The following ZDHHC20 variants were observed in gnomAD, a reference collection of about 807,000 sequenced individuals.
ZDHHC20 encodes the protein palmitoyltransferase ZDHHC20.
ZDHHC20 carries 43 observed loss-of-function variants against 57.8 expected under a neutral mutation model. The observed-to-expected ratio is 0.74, with a 90% CI of 0.58 to 0.96. The LOEUF is 0.96. Ranked by LOEUF, ZDHHC20 falls within the 40% of genes least tolerant of loss-of-function variation. The pLI is 0.00. For synonymous variants in ZDHHC20, 157 were observed against 153.0 expected, an observed-to-expected ratio of 1.03 and a Z score of -0.19; for missense variants, 391 against 441.1, an observed-to-expected ratio of 0.89 and a Z score of 1.02.
At chr13:21,388,825 T>G (rs1875089329) in intron 8 of ZDHHC20, among the ~76,000 whole-genome samples, 1 of 152,002 alleles carries the variant, frequency 6.6e-6, no homozygotes, top group African/African-American at 2.4e-5. Flanking sequence ...ACCAGAGCCA[T>G]GAATTAGCAA....
intron 4 of ZDHHC20, among the ~76,000 whole-genome samples, chr13:21,411,690 A>G (rs1166176351): frequency 6.6e-6 from 1 of 152,236 alleles, no homozygotes; most frequent in Non-Finnish European, 1.5e-5. Context: ...AATGAACTCA[A>G]AAAGTAGCAA....
At chr13:21,434,409 T>C (rs1882333742) in intron 1 of ZDHHC20, among the ~76,000 whole-genome samples, 2 of 152,248 alleles carry the variant, frequency 1.3e-5, no homozygotes, top group African/African-American at 2.4e-5. Context: ...CATTCTCTAG[T>C]AGTTGTGCTG....
intron 4 of ZDHHC20, among the ~76,000 whole-genome samples, chr13:21,407,282 C>A (rs1406820700): frequency 1.3e-5 from 2 of 152,278 alleles, no homozygotes; most frequent in East Asian, 3.9e-4. Context: ...GTGTGAGCCA[C>A]CACACCCAGT....
At chr13:21,425,928 G>GT (rs2137928127) in intron 1 of ZDHHC20, among the ~76,000 whole-genome samples, 1 of 152,234 alleles carries the variant, frequency 6.6e-6, no homozygotes, top group Non-Finnish European at 1.5e-5. Context: ...AATTTTAAGT[G>GT]TATCAACATG....
At chr13:21,406,232 CT>C (rs1878419282) in intron 4 of ZDHHC20, among the ~76,000 whole-genome samples, 1 of 152,132 alleles carries the variant, frequency 6.6e-6, no homozygotes, top group African/African-American at 2.4e-5. Context: ...TCCCTTCTGA[CT>C]TTTGGGCCCT....
chr13:21,393,182 CTTTTTTCTTTTT>C (rs1223264005), intron 7 of ZDHHC20, among the ~76,000 whole-genome samples: 17 of 135,536 alleles, frequency 1.3e-4, no homozygotes, highest in Admixed American at 1.1e-3. Flanking sequence ...CATTTCTTTT[CTTTTTTCTTTTT>C]TTTTTTTTTT....
At chr13:21,409,426 T>C (rs1166814738) in intron 4 of ZDHHC20, among the ~76,000 whole-genome samples, 1 of 152,236 alleles carries the variant, frequency 6.6e-6, no homozygotes, top group Non-Finnish European at 1.5e-5. Flanking sequence ...CTGATGGTAG[T>C]TTGTATTTCT....
At chr13:21,459,005 C>T (rs1449992354) in intron 1 of ZDHHC20, 49 bp downstream of exon 1, 4 of 1,481,624 alleles carry the variant, frequency 2.7e-6, no homozygotes, top group Non-Finnish European at 3.7e-6. Context: ...CTATCTCGCG[C>T]CCTAGCCGCG....
At chr13:21,447,598 G>A (rs1593281399) in intron 1 of ZDHHC20, among the ~76,000 whole-genome samples, 1 of 145,126 alleles carries the variant, frequency 6.9e-6, no homozygotes, top group Non-Finnish European at 1.5e-5. Flanking sequence ...ATGGTGCCCA[G>A]GCTGGAGTGC....
intron 1 of ZDHHC20, among the ~76,000 whole-genome samples, chr13:21,442,246 T>C (rs1883252473): frequency 6.6e-6 from 1 of 152,348 alleles, no homozygotes; most frequent in Non-Finnish European, 1.5e-5. Context: ...TCCAATCCTT[T>C]TACCTTTCCC....
rs1459869119 is a variant in ZDHHC20 at position 21,458,940 on chromosome 13, ACGCCCGGCGT to A, written c.118+104_118+113del. ...CGCTTCCGAGCGCGTTCGGGGCCGGACGCCCGGCGTCCGGCGCTGGCTCCAGAAAGGCGGC... is the reference window on the plus strand; with the variant it reads ...CGCTTCCGAGCGCGTTCGGGGCCGGACCGGCGCTGGCTCCAGAAAGGCGGC... On this transcript the variant is annotated intron_variant, in intron 1 of 12. Coordinates refer to ENST00000400590, the MANE Select transcript of ZDHHC20 (RefSeq NM_001330059.2). 2.3e-5 allele frequency: 17 copies of A among 731,988 alleles called. No individual in the cohort carries two copies. In the African/African-American group the frequency reaches 2.8e-4, roughly 12 times the overall value. The allele number at this position is 731,988 out of a possible 1,614,324, so 45.3% of individuals were successfully genotyped here.
At position 21,378,989 on chromosome 13, in the gene ZDHHC20, T is replaced by C. The variant is rs115662199; in HGVS notation, c.1061-251A>G. ...CTTTAAAGATGTTAAACAGCAATAA[T>C]TAAGAAGTTCACAAAATGAACTTTT... On this transcript the variant is annotated intron_variant, in intron 11 of 12. Coordinates refer to ENST00000400590, the MANE Select transcript of ZDHHC20 (RefSeq NM_001330059.2). 6.7e-3 allele frequency among the ~76,000 whole-genome samples: 1,016 copies of C among 152,330 alleles called. 15 individuals carry two copies. The highest frequency in any genetic ancestry group is 0.023 in the African/African-American group (942 of 41,576).
intron 1 of ZDHHC20, among the ~76,000 whole-genome samples, chr13:21,431,453 C>A (rs1881930912): frequency 6.9e-6 from 1 of 145,144 alleles, no homozygotes; most frequent in Non-Finnish European, 1.5e-5. Context: ...TGGATGGGGA[C>A]ACAGCCAAAC....
chr13:21,382,733 T>C (rs528230447), intron 10 of ZDHHC20, among the ~76,000 whole-genome samples, 187 bp downstream of exon 10: 1 of 152,324 alleles, frequency 6.6e-6, no homozygotes, highest in South Asian at 2.1e-4. Flanking sequence ...GTTTAGATAA[T>C]AAAAAATTAT....
intron 2 of ZDHHC20, among the ~76,000 whole-genome samples, chr13:21,422,326 T>C (rs1880737620): frequency 6.6e-6 from 1 of 152,128 alleles, no homozygotes; most frequent in African/African-American, 2.4e-5. Flanking sequence ...AGCTAACATG[T>C]ATTCAGTTTG....
At chr13:21,446,653 C>T (rs1239193319) in intron 1 of ZDHHC20, among the ~76,000 whole-genome samples, 1 of 152,096 alleles carries the variant, frequency 6.6e-6, no homozygotes, top group Non-Finnish European at 1.5e-5. Context: ...CACCTTTATT[C>T]TTTATTATAT....
intron 11 of ZDHHC20, 140 bp from the exon 12 acceptor site, chr13:21,378,878 T>C (rs2137622617): frequency 2.3e-6 from 1 of 434,340 alleles, no homozygotes; most frequent in Non-Finnish European, 4.0e-6. Context: ...CCATTTGTCT[T>C]CTTATAGAAC....
In ZDHHC20 at chr13:21,378,748, T is replaced by C. The variant is rs1278692044; in HGVS notation, c.1061-10A>G. On this transcript the variant is annotated splice_polypyrimidine_tract_variant and intron_variant, in intron 11 of 12. Coordinates refer to ENST00000400590, the MANE Select transcript of ZDHHC20 (RefSeq NM_001330059.2). ...ACATGGTTATTTGTCCCTGTAAGCA[T>C]ATAATTATATATGACATGACAAAAA... 4.6e-5 allele frequency: 61 copies of C among 1,320,226 alleles called. No homozygotes were observed. The highest frequency in any genetic ancestry group is 5.9e-5 in the Non-Finnish European group (59 of 1,002,202). The allele number at this position is 1,320,226 out of a possible 1,614,324, so 81.8% of individuals were successfully genotyped here. A position where few individuals can be genotyped will look rare whatever the true frequency, so the allele number is the denominator to read the frequency against.
chr13:21,451,132 G>A (rs1046634843), intron 1 of ZDHHC20, among the ~76,000 whole-genome samples: 8 of 152,092 alleles, frequency 5.3e-5, no homozygotes, highest in African/African-American at 1.7e-4. Flanking sequence ...AAGATTTAGG[G>A]AAATAGGTTT....
Sources: gnomAD v4.1 joint callset for allele counts (sites outside exome capture counted in the v4.1 genomes callset) on GRCh38, gnomAD v4.1.1 for gene constraint, MANE v1.5 for transcripts, NCBI Gene and HGNC (gene_info 2026-07-23, HGNC 2026-07-21) for gene names.